Variants in TIAM1 observed in about 807,000 individuals in gnomAD.
TIAM1 encodes rho guanine nucleotide exchange factor TIAM1.
TIAM1 carries 65 observed loss-of-function variants against 163.5 expected under a neutral mutation model. That is an observed-to-expected ratio of 0.40 (90% CI 0.33 to 0.49). The LOEUF (loss-of-function observed/expected upper bound fraction) is 0.49, where lower values mean the gene tolerates loss of function less well. Ranked by LOEUF, TIAM1 falls within the 20% of genes least tolerant of loss-of-function variation. TIAM1 has a pLI of 0.77. For missense variants in TIAM1, 1,789 were observed against 2,044.7 expected, an observed-to-expected ratio of 0.87 and a Z score of 2.41; for synonymous variants, 833 against 810.1, an observed-to-expected ratio of 1.03 and a Z score of -0.48.
chr21:31,146,726 GA>G lies in TIAM1; in HGVS notation c.3475+168del, dbSNP rs1225911016. On this transcript the variant is annotated intron_variant, in intron 20 of 27. Transcript: ENST00000541036. ...ACTCTGTCTCAAAAAAAAAAAAAATGAAAAAAAAATGAATACATTACATTGC... is the reference window on the plus strand; with the variant it reads ...ACTCTGTCTCAAAAAAAAAAAAAATGAAAAAAAATGAATACATTACATTGC... Among the ~76,000 whole-genome samples the G allele has an allele frequency of 2.3e-5, 3 of 128,476 alleles. No homozygotes were observed. The South Asian group carries it at 7.1e-4, about 31-fold the overall frequency. 84.3% of individuals were successfully genotyped at this position (128,476 alleles called of 152,430 possible). A position where few individuals can be genotyped will look rare whatever the true frequency, so the allele number is the denominator to read the frequency against.
intron 2 of TIAM1, among the ~76,000 whole-genome samples, chr21:31,394,378 A>C (rs1032136575): frequency 8.5e-5 from 13 of 152,200 alleles, no homozygotes; most frequent in South Asian, 4.1e-4. Flanking sequence ...CAGAGCACAA[A>C]AGATTTTTAG....
At chr21:31,390,028 T>C (rs919809214) in intron 2 of TIAM1, among the ~76,000 whole-genome samples, 2 of 152,180 alleles carry the variant, frequency 1.3e-5, no homozygotes, top group African/African-American at 4.8e-5. Flanking sequence ...TAAAGATATA[T>C]TTTTAAAAAA....
At chr21:31,319,779 CAA>C (rs34265205) in intron 2 of TIAM1, among the ~76,000 whole-genome samples, 10,520 of 101,238 alleles carry the variant, frequency 0.1, 1,012 homozygotes, top group East Asian at 0.46. Context: ...GACTCTATCT[CAA>C]AAAAAAAAAA....
chr21:31,494,835 C>CT (rs764383444), intron 1 of TIAM1, among the ~76,000 whole-genome samples: 10 of 133,984 alleles, frequency 7.5e-5, no homozygotes, highest in Non-Finnish European at 1.3e-4. Context: ...GAGTGAGACT[C>CT]TGTCTCAAAA....
chr21:31,245,739 G>T, intron 5 of TIAM1, 79 bp from the exon 6 acceptor site: 1 of 1,248,420 alleles, frequency 8.0e-7, no homozygotes, highest in Non-Finnish European at 1.0e-6. Flanking sequence ...CCTAACATGT[G>T]CACCCTGTCA....
chr21:31,173,859 A>AACATGTTTTTTCACACGC (rs1413335434), intron 15 of TIAM1, among the ~76,000 whole-genome samples: 32 of 152,198 alleles, frequency 2.1e-4, no homozygotes, highest in Non-Finnish European at 4.1e-4. Context: ...CAGTCTCCGA[A>AACATGTTTTTTCACACGC]ACATGTTTTT....
At chr21:31,497,648 TATAA>T (rs1173259618) in intron 1 of TIAM1, among the ~76,000 whole-genome samples, 1 of 152,222 alleles carries the variant, frequency 6.6e-6, no homozygotes, top group East Asian at 1.9e-4. Context: ...GTATTCAAAA[TATAA>T]ATAAAGGAAA....
intron 8 of TIAM1, among the ~76,000 whole-genome samples, chr21:31,222,670 C>CACAT (rs375118181): frequency 1.0e-5 from 1 of 96,974 alleles, no homozygotes; most frequent in East Asian, 3.7e-4. Context: ...CATACATGTA[C>CACAT]ACATACATAT....
chr21:31,258,086 C>T (rs1238939859), intron 4 of TIAM1, among the ~76,000 whole-genome samples: 1 of 151,946 alleles, frequency 6.6e-6, no homozygotes, highest in Non-Finnish European at 1.5e-5. Context: ...CCCCATCTTC[C>T]TCAACATGCC....
chr21:31,397,389 C>T (rs140822197), intron 2 of TIAM1, among the ~76,000 whole-genome samples: 55 of 152,268 alleles, frequency 3.6e-4, no homozygotes, highest in African/African-American at 1.3e-3. Context: ...ATGTTTCAAA[C>T]CGCTTCCTTC....
In TIAM1 at chr21:31,490,834, G is replaced by A. The variant is rs541236920; in HGVS notation, c.-421-26799C>T. Among the ~76,000 whole-genome samples, 16 of 152,184 alleles carry A rather than the reference G, an allele frequency of 1.1e-4. 1 individual carries two copies. The South Asian group carries it at 2.9e-3, about 28-fold the overall frequency. On this transcript the variant is annotated intron_variant, in intron 1 of 28. Coordinates refer to the TIAM1 transcript ENST00000286827. ...CACCCCTGCTATTGTGTAGAAATAA[G>A]CCCAAGGATTGGCCGAGCGTGGTGG...
intron 1 of TIAM1, among the ~76,000 whole-genome samples, chr21:31,547,995 T>C (rs967224206): frequency 2.6e-5 from 4 of 152,172 alleles, no homozygotes; most frequent in Middle Eastern, 3.2e-3. Context: ...AGATACACTT[T>C]CTTAATTTAA....
chr21:31,495,484 A>G (rs2046608912), intron 1 of TIAM1, among the ~76,000 whole-genome samples: 2 of 152,176 alleles, frequency 1.3e-5, no homozygotes, highest in Admixed American at 6.5e-5. Flanking sequence ...GCCATTCACG[A>G]CAGAGGAGCC....
chr21:31,384,522 C>G (rs1250465442), intron 2 of TIAM1, among the ~76,000 whole-genome samples: 1 of 152,080 alleles, frequency 6.6e-6, no homozygotes, highest in Non-Finnish European at 1.5e-5. Context: ...CTGCAGTGAG[C>G]TATGATCACA....
At chr21:31,398,614 G>GCA (rs1450693245) in intron 2 of TIAM1, among the ~76,000 whole-genome samples, 2 of 152,340 alleles carry the variant, frequency 1.3e-5, no homozygotes, top group African/African-American at 4.8e-5. Context: ...CATCCTCATA[G>GCA]CACAGTACAC....
intron 2 of TIAM1, among the ~76,000 whole-genome samples, chr21:31,426,480 G>A (rs1223927611): frequency 2.0e-5 from 3 of 152,178 alleles, no homozygotes; most frequent in Non-Finnish European, 2.9e-5. Flanking sequence ...CAGGCCAGTG[G>A]ATTGGTTGCT....
At chr21:31,337,515 G>GTTATTATTATTATTATTA (rs1469371170) in intron 2 of TIAM1, among the ~76,000 whole-genome samples, 2 of 99,318 alleles carry the variant, frequency 2.0e-5, no homozygotes, top group African/African-American at 5.2e-5. Context: ...TATTATTATT[G>GTTATTATTATTATTATTA]TTGTTATTAT....
intron 16 of TIAM1, among the ~76,000 whole-genome samples, chr21:31,156,608 T>A (rs1399578247): frequency 6.6e-6 from 1 of 152,240 alleles, no homozygotes; most frequent in Non-Finnish European, 1.5e-5. Flanking sequence ...GGGCTTTGTC[T>A]TAAAAATTAC....
intron 24 of TIAM1, 131 bp from the exon 25 acceptor site, chr21:31,130,446 T>C (rs56339310): frequency 0.057 from 38,473 of 674,986 alleles, 1,326 homozygotes; most frequent in East Asian, 0.098. Context: ...TTCACCCCCA[T>C]GAGCTCCTGT....
Sources: allele counts gnomAD v4.1 joint callset (sites outside exome capture counted in the v4.1 genomes callset), GRCh38; gene constraint gnomAD v4.1.1; transcripts MANE v1.5; gene names NCBI Gene and HGNC (gene_info 2026-07-23, HGNC 2026-07-21).